DNAH10: variants seen among roughly 807,000 people sequenced by gnomAD.
The protein encoded by DNAH10 is dynein axonemal heavy chain 10, also known as axonemal beta dynein heavy chain 10.
DNAH10 carries 348 observed loss-of-function variants against 506.6 expected under a neutral mutation model. The ratio of observed to expected loss-of-function variants is 0.69; its 90% confidence interval spans 0.63 to 0.75. The LOEUF (loss-of-function observed/expected upper bound fraction) is 0.75. DNAH10 is among the 30% of genes least tolerant of loss of function. The pLI is 0.00. For missense variants in DNAH10, 5,179 were observed against 5,787.1 expected (o/e 0.89, Z 3.41); for synonymous variants, 2,059 against 2,198.6 (o/e 0.94, Z 1.78).
chr12:123,917,990 T>C lies in DNAH10; in HGVS notation c.11232+177T>C, dbSNP rs916041526. On this transcript the variant is annotated intron_variant, in intron 64 of 78. Transcript: ENST00000673944. The surrounding 1 kb of genome is among the most constrained non-coding windows in gnomAD (Gnocchi z 5.6). The stretch of plus-strand genomic sequence containing the variant: ...GCCCTAAAGGTGTTCCCAGGGACCC[T>C]TGGGCATCAGGTCAGTCTCTTTAAA... Among the ~76,000 whole-genome samples, 1 of 152,210 alleles carries C rather than the reference T, an allele frequency of 6.6e-6. No individual in the cohort carries two copies. Among genetic ancestry groups the C allele is most frequent in the East Asian group, 1.9e-4 (1 of 5,188 alleles).
chr12:123,929,326 T>C lies in DNAH10; in HGVS notation c.12358T>C (p.Phe4120Leu). The C allele has an allele frequency of 2.5e-6, 4 of 1,607,550 alleles. No individual in the cohort carries two copies. Among genetic ancestry groups the C allele is most frequent in the Non-Finnish European group, 3.4e-6 (4 of 1,177,018 alleles). Residue 4120 changes from phenylalanine (F) to leucine (L), a missense_variant, in exon 71 of 79, where the codon TTC (phenylalanine) becomes CTC (leucine). Physicochemically the swap from Phe to Leu is conservative, Grantham distance 22. This residue lies in a region of DNAH10 where 4,844 missense variants were observed against 5,430.5 expected (regional missense o/e 0.89). Coordinates refer to ENST00000673944, the MANE Select transcript of DNAH10 (RefSeq NM_001372106.1). ...GLKLNMRATY[F>L]KISHEMLDQC... ...GAAACTCAACATGAGGGCAACTTAC[T>C]TCAAGATCTCTCACGAAATGCTGGA... is the stretch of plus-strand genomic sequence containing the variant.
intron 5 of DNAH10, among the ~76,000 whole-genome samples, chr12:123,778,803 T>C (rs1051445119): frequency 1.3e-5 from 2 of 152,162 alleles, no homozygotes; most frequent in African/African-American, 4.8e-5. Flanking sequence ...AGTGGCACAA[T>C]CACATCTCAC....
Position 123,917,700 on chromosome 12 carries a change from C to T in DNAH10, c.11119C>T (p.Leu3707Phe). 6.4e-7 allele frequency: 1 copy of T among 1,558,224 alleles called. No homozygotes were observed. Among genetic ancestry groups the T allele is most frequent in the Non-Finnish European group, 8.7e-7 (1 of 1,151,128 alleles). Residue 3707 changes from leucine (L) to phenylalanine (F), a missense_variant, in exon 64 of 79, where the codon CTC becomes TTC. Around this residue, in one of 3 missense-constraint regions of DNAH10, gnomAD observed 4,844 missense variants for 5,430.5 expected, o/e 0.89. Coordinates refer to ENST00000673944, the MANE Select transcript of DNAH10 (RefSeq NM_001372106.1). This position sits in a 1 kb window ranked among gnomAD's most constrained non-coding sequence, Gnocchi z 5.6. ...GGAGACCAGCGAGAACAAGAACCTG[C>T]TCAAGGACCTGGAAGATTCCCTCCT... ...IQETSENKNL[L>F]KDLEDSLLRE... is the part of the protein sequence containing the mutation.
At chr12:123,887,042 C>G (rs764055735) in intron 51 of DNAH10, 100 bp from the exon 52 acceptor site, 30 of 1,417,776 alleles carry the variant, frequency 2.1e-5, no homozygotes, top group Non-Finnish European at 2.8e-5. Context: ...TTGGACAGAC[C>G]CACGCCCTCT....
rs1953843342 is a variant in DNAH10, at chr12:123,907,598, A to C, written c.9816-1663A>C. On this transcript the variant is annotated intron_variant, in intron 57 of 78. Transcript: ENST00000673944. This position sits in a 1 kb window ranked among gnomAD's most constrained non-coding sequence, Gnocchi z 4.4. ...GAGGATTTGGGAACTGGAAGGTTCC[A>C]GTTCTGCGTCTCTACTTCACAGATG... is the stretch of plus-strand genomic sequence containing the variant. 1.3e-5 allele frequency among the ~76,000 whole-genome samples: 2 copies of C among 152,310 alleles called. No homozygotes were observed. Among genetic ancestry groups the C allele is most frequent in the South Asian group, 4.1e-4 (2 of 4,828 alleles).
chr12:123,911,003 T>A (rs911947246), intron 59 of DNAH10, among the ~76,000 whole-genome samples: 5 of 151,592 alleles, frequency 3.3e-5, no homozygotes, highest in Non-Finnish European at 7.4e-5. Flanking sequence ...CCCAGGAGTT[T>A]GAAACCAGCT....
intron 48 of DNAH10, among the ~76,000 whole-genome samples, chr12:123,878,121 C>T (rs548849496): frequency 6.6e-6 from 1 of 152,316 alleles, no homozygotes; most frequent in South Asian, 2.1e-4. Context: ...CCAAGAGAAG[C>T]AGAAGTGGGG....
At chr12:123,838,310 C>G (rs921635203) in intron 28 of DNAH10, 146 bp from the exon 29 acceptor site, 1 of 631,962 alleles carries the variant, frequency 1.6e-6, no homozygotes, top group African/African-American at 1.8e-5. Flanking sequence ...ATAAATGGAT[C>G]CCCTGAAAGC....
At position 123,813,207 on chromosome 12, in the gene DNAH10, C is replaced by T; in HGVS notation, c.3188C>T (p.Pro1063Leu). The change falls in exon 20 of 79, where the codon CCT becomes CTT. Residue 1063 changes from proline (P) to leucine (L), a missense_variant. This residue lies in a region of DNAH10 where 4,844 missense variants were observed against 5,430.5 expected (regional missense o/e 0.89). Transcript: ENST00000673944. ...WMNGSCIECP[P>L]QKGEEEEVVI... The stretch of plus-strand genomic sequence containing the variant: ...AATGGCAGCTGCATAGAATGCCCAC[C>T]TCAGAAGGGGGAGGAAGAGGAAGTT... The T allele has an allele frequency of 1.2e-6, 2 of 1,613,438 alleles. No homozygotes were observed. Among genetic ancestry groups the T allele is most frequent in the Non-Finnish European group, 1.7e-6 (2 of 1,179,586 alleles).
intron 30 of DNAH10, among the ~76,000 whole-genome samples, chr12:123,843,634 A>G (rs1290434834): frequency 6.6e-6 from 1 of 152,104 alleles, no homozygotes; most frequent in Admixed American, 6.6e-5. Flanking sequence ...CTGGAGTGCA[A>G]TGGCGCTATC....
rs1287972388 is a variant in DNAH10, at chr12:123,785,046, A to G, written c.1231-700A>G. Among the ~76,000 whole-genome samples, 1 of 152,250 alleles carries G rather than the reference A, an allele frequency of 6.6e-6. No homozygotes were observed. Among genetic ancestry groups the G allele is most frequent in the Non-Finnish European group, 1.5e-5 (1 of 68,042 alleles). ...TATTATGAAGAATGCTGCTACGAAC[A>G]TTCTTGTACAAGGATTTGTGTGGAT... On this transcript the variant is annotated intron_variant, in intron 8 of 78. Coordinates refer to ENST00000673944, the MANE Select transcript of DNAH10 (RefSeq NM_001372106.1). The surrounding 1 kb of genome is among the most constrained non-coding windows in gnomAD (Gnocchi z 4.1).
At chr12:123,856,909 T>C (rs1778182867) in intron 36 of DNAH10, 147 bp from the exon 37 acceptor site, 1 of 388,938 alleles carries the variant, frequency 2.6e-6, no homozygotes, top group Non-Finnish European at 4.3e-6. Flanking sequence ...ATTTTAAATG[T>C]GTATAAAATT....
chr12:123,918,966 G>A lies in DNAH10; in HGVS notation c.11506+17G>A, dbSNP rs925089720. ...GCTGCACAGGTGAGCTCTCCCCACA[G>A]AGGAGGACATGTTAGTGTAGTTTGG... On this transcript the variant is annotated intron_variant, in intron 65 of 78. Transcript: ENST00000673944. 7 of 1,592,806 alleles carry A rather than the reference G, an allele frequency of 4.4e-6. No individual in the cohort carries two copies. The Admixed American group carries it at 5.1e-5, about 12-fold the overall frequency.
intron 39 of DNAH10, among the ~76,000 whole-genome samples, chr12:123,863,948 T>C (rs1951701651): frequency 6.6e-6 from 1 of 152,022 alleles, no homozygotes. Context: ...GAGGTAGGAG[T>C]TGTGGCAGGG....
At position 123,867,997 on chromosome 12, in the gene DNAH10, G is replaced by A. The variant is rs765681233; in HGVS notation, c.7397G>A (p.Cys2466Tyr). The A allele has an allele frequency of 6.2e-7, 1 of 1,613,882 alleles. No homozygotes were observed. Among genetic ancestry groups the A allele is most frequent in the African/African-American group, 1.3e-5 (1 of 75,002 alleles). ...TGCTACTTCCTGGAGGCTTTGTACTGCTCTCTGGGAGCCTCCCTGCTTGAG... is the reference window on the plus strand; with the variant it reads ...TGCTACTTCCTGGAGGCTTTGTACTACTCTCTGGGAGCCTCCCTGCTTGAG... The part of the protein sequence containing the change: ...LECYFLEALY[C>Y]SLGASLLEDG... Residue 2466 changes from cysteine (C) to tyrosine (Y), a missense_variant, in exon 43 of 79, where the codon TGC becomes TAC. By Grantham distance (194) the Cys-to-Tyr change is radical. This residue lies in a region of DNAH10 where 4,844 missense variants were observed against 5,430.5 expected (regional missense o/e 0.89). Coordinates refer to ENST00000673944, the MANE Select transcript of DNAH10 (RefSeq NM_001372106.1).
In DNAH10 at chr12:123,926,470, C is replaced by G. The variant is rs75424689; in HGVS notation, c.11922-167C>G. The G allele has an allele frequency of 9.9e-5, 66 of 666,430 alleles. No individual in the cohort carries two copies. In the Middle Eastern group the frequency reaches 1.7e-3, roughly 17 times the overall value. The allele number at this position is 666,430 out of a possible 1,614,324, so 41.3% of individuals were successfully genotyped here. A position where few individuals can be genotyped will look rare whatever the true frequency, so the allele number is the denominator to read the frequency against. On this transcript the variant is annotated intron_variant, in intron 68 of 78. Transcript: ENST00000673944. This position sits in a 1 kb window ranked among gnomAD's most constrained non-coding sequence, Gnocchi z 4.1. The stretch of plus-strand genomic sequence containing the variant: ...AGGAGTTCCCCATCAGGGTGGGAGA[C>G]GTGCATAGAAACTAGAATCTAAAAC...
chr12:123,908,083 T>C (rs111317046), intron 57 of DNAH10, among the ~76,000 whole-genome samples: 7,883 of 102,904 alleles, frequency 0.077, 208 homozygotes, highest in South Asian at 0.083. Flanking sequence ...TCCCTGTCTC[T>C]CTGTCTCCTC....
chr12:123,892,179 A>G (rs1170209199), intron 52 of DNAH10, among the ~76,000 whole-genome samples: 1 of 152,254 alleles, frequency 6.6e-6, no homozygotes, highest in Admixed American at 6.5e-5. Context: ...CTGGTTTTTT[A>G]TAAAGAAAAG....
Position 123,907,844 on chromosome 12 carries a change from G to C in DNAH10, c.9816-1417G>C, listed in dbSNP as rs554691731. ...GCTTTCCTAAGCAGCCAACACCAGC[G>C]TGATCGAGCCTTTTCCCGGGGACTC... On this transcript the variant is annotated intron_variant, in intron 57 of 78. Transcript: ENST00000673944. This position sits in a 1 kb window ranked among gnomAD's most constrained non-coding sequence, Gnocchi z 4.4. 1.3e-5 allele frequency among the ~76,000 whole-genome samples: 2 copies of C among 152,180 alleles called. No individual in the cohort carries two copies. Among genetic ancestry groups the C allele is most frequent in the African/African-American group, 4.8e-5 (2 of 41,422 alleles).
Sources: allele counts gnomAD v4.1 joint callset (sites outside exome capture counted in the v4.1 genomes callset), GRCh38; gene constraint gnomAD v4.1.1; regional missense constraint gnomAD v4.1.1; non-coding constraint Gnocchi (gnomAD v3.1); transcripts MANE v1.5; gene names NCBI Gene and HGNC (gene_info 2026-07-23, HGNC 2026-07-21).